CCNY: variants seen among roughly 807,000 people sequenced by gnomAD.
CCNY encodes the protein cyclin Y.
In CCNY, 19 loss-of-function variants were observed where a neutral mutation model predicts 42.8. The observed-to-expected ratio is 0.44, with a 90% CI of 0.31 to 0.65. The LOEUF is 0.65. CCNY is among the 30% of genes least tolerant of loss of function. The pLI is 0.07. For synonymous variants in CCNY, 165 were observed against 162.7 expected (o/e 1.01, Z -0.11); for missense variants, 370 against 437.3 (o/e 0.85, Z 1.37).
intron 1 of CCNY, among the ~76,000 whole-genome samples, chr10:35,402,822 AACCAGGAGCCACTAAAT>A (rs1386265301): frequency 6.6e-6 from 1 of 152,180 alleles, no homozygotes; most frequent in Admixed American, 6.6e-5. Context: ...TTTGAGGTAA[AACCAGGAGCCACTAAAT>A]ACCAAGAGCC....
chr10:35,395,005 A>C, intron 1 of CCNY: 2 of 220,038 alleles, frequency 9.1e-6, no homozygotes, highest in Non-Finnish European at 1.5e-5. Flanking sequence ...TAGGAATTAA[A>C]AATTTGGAGT....
At chr10:35,506,421 G>A (rs913249065) in intron 3 of CCNY, among the ~76,000 whole-genome samples, 3 of 152,006 alleles carry the variant, frequency 2.0e-5, no homozygotes, top group Non-Finnish European at 2.9e-5. Flanking sequence ...TTCTTTTTGC[G>A]GAATGTCTAG....
chr10:35,494,235 C>CA (rs1554794878), intron 2 of CCNY, among the ~76,000 whole-genome samples: 3 of 3,242 alleles, frequency 9.3e-4, no homozygotes, highest in South Asian at 0.071. Context: ...CATAGTGAGA[C>CA]CCCCCCCCCC....
intron 2 of CCNY, among the ~76,000 whole-genome samples, chr10:35,492,083 C>T (rs1031859726): frequency 2.6e-5 from 4 of 151,954 alleles, no homozygotes; most frequent in Non-Finnish European, 5.9e-5. Flanking sequence ...CTGTGGCGAG[C>T]CCCTTCCCAG....
intron 1 of CCNY, among the ~76,000 whole-genome samples, chr10:35,346,544 C>A (rs139680060): frequency 8.5e-5 from 13 of 152,302 alleles, no homozygotes; most frequent in African/African-American, 3.1e-4. Flanking sequence ...TGTTGCCTTG[C>A]CAGGAAGGTT....
intron 7 of CCNY, among the ~76,000 whole-genome samples, chr10:35,533,852 G>A (rs1078942): frequency 0.4 from 60,104 of 152,024 alleles, 12,778 homozygotes; most frequent in African/African-American, 0.55. Context: ...AGCTCATAAT[G>A]AATGCTCAGT....
At chr10:35,482,749 GGTGTGT>G (rs56033862) in intron 1 of CCNY, among the ~76,000 whole-genome samples, 7,541 of 128,800 alleles carry the variant, frequency 0.059, 386 homozygotes, top group African/African-American at 0.15. Flanking sequence ...GCTGGAAATA[GGTGTGT>G]GTGTGTGTGT....
chr10:35,399,818 A>AGAAAATTCTGACTGTTATGT lies in CCNY; in HGVS notation c.154+62612_154+62631dup, dbSNP rs553032452. On this transcript the variant is annotated intron_variant, in intron 1 of 9. Transcript: ENST00000374704. Reference sequence around the variant, plus strand: ...TGCTCCCTTCAGTGCCATGCGGGGGAGAAAATTCTGACTGTTATGTAGCAA... The same window carrying AGAAAATTCTGACTGTTATGT: ...TGCTCCCTTCAGTGCCATGCGGGGGAGAAAATTCTGACTGTTATGTGAAAATTCTGACTGTTATGTAGCAA... Among the ~76,000 whole-genome samples the AGAAAATTCTGACTGTTATGT allele has an allele frequency of 3.5e-4, 54 of 152,188 alleles. 1 individual carries two copies. In the East Asian group the frequency reaches 9.8e-3, roughly 28 times the overall value.
intron 3 of CCNY, among the ~76,000 whole-genome samples, chr10:35,304,403 G>A (rs945705139): frequency 1.4e-4 from 10 of 73,436 alleles, no homozygotes; most frequent in Non-Finnish European, 1.8e-4. Flanking sequence ...TCCGCCTCCC[G>A]GGTTCACGCC....
intron 2 of CCNY, among the ~76,000 whole-genome samples, chr10:35,484,869 A>T (rs938305940): frequency 2.0e-5 from 3 of 152,236 alleles, no homozygotes; most frequent in African/African-American, 7.2e-5. Flanking sequence ...ATGAAATTGC[A>T]TTAGGCCTCT....
chr10:35,524,533 C>T (rs565149877), intron 4 of CCNY, among the ~76,000 whole-genome samples: 4 of 152,142 alleles, frequency 2.6e-5, no homozygotes, highest in Non-Finnish European at 4.4e-5. Context: ...GCTGAGTAAG[C>T]GGAAATGTTC....
intron 7 of CCNY, among the ~76,000 whole-genome samples, chr10:35,544,497 CA>C (rs1357606868): frequency 6.6e-6 from 1 of 152,144 alleles, no homozygotes; most frequent in Non-Finnish European, 1.5e-5. Flanking sequence ...GGTATTCCCA[CA>C]AGGATTGAAT....
chr10:35,424,572 T>C (rs1243530729), intron 1 of CCNY, among the ~76,000 whole-genome samples: 1 of 152,242 alleles, frequency 6.6e-6, no homozygotes, highest in Non-Finnish European at 1.5e-5. Flanking sequence ...ATTTCTGCAT[T>C]GCCTTGGGGC....
intron 1 of CCNY, among the ~76,000 whole-genome samples, chr10:35,410,212 GACAAA>G (rs1242515369): frequency 6.6e-6 from 1 of 152,108 alleles, no homozygotes; most frequent in Non-Finnish European, 1.5e-5. Context: ...AAATGCTAAA[GACAAA>G]ACAAAAGAGG....
At chr10:35,270,259 G>A (rs1835146505) in intron 3 of CCNY, among the ~76,000 whole-genome samples, 1 of 152,072 alleles carries the variant, frequency 6.6e-6, no homozygotes, top group South Asian at 2.1e-4. Context: ...CATTCATGAG[G>A]GTTTGCTCTC....
At chr10:35,535,458 G>A (rs905033601) in intron 7 of CCNY, among the ~76,000 whole-genome samples, 15 of 152,136 alleles carry the variant, frequency 9.9e-5, no homozygotes, top group African/African-American at 3.6e-4. Context: ...GGAATGCTGA[G>A]TTGGTCACAA....
At chr10:35,357,834 C>G (rs1166385191) in intron 1 of CCNY, among the ~76,000 whole-genome samples, 9 of 152,118 alleles carry the variant, frequency 5.9e-5, no homozygotes, top group Admixed American at 5.9e-4. Context: ...AGCAGGCATT[C>G]TCTTGTAAGG....
intron 1 of CCNY, among the ~76,000 whole-genome samples, chr10:35,465,936 AGAGTGTGTGTGTGTGTGTGTGTGTCT>A (rs1306610551): frequency 2.6e-5 from 3 of 117,600 alleles, no homozygotes; most frequent in Non-Finnish European, 5.4e-5. Flanking sequence ...AGAGAGAGAG[AGAGTGTGTGTGTGTGTGTGTGTGTCT>A]GTGTGTGTGT....
At chr10:35,366,864 T>A (rs1042589761) in intron 1 of CCNY, among the ~76,000 whole-genome samples, 14 of 152,146 alleles carry the variant, frequency 9.2e-5, no homozygotes, top group Admixed American at 8.5e-4. Flanking sequence ...AAGAATAAAT[T>A]TAGATAGCCA....
Sources: gnomAD v4.1 joint callset for allele counts (sites outside exome capture counted in the v4.1 genomes callset) on GRCh38, gnomAD v4.1.1 for gene constraint, MANE v1.5 for transcripts, NCBI Gene and HGNC (gene_info 2026-07-23, HGNC 2026-07-21) for gene names.